MEIOB: variants seen among roughly 807,000 people sequenced by gnomAD.
MEIOB encodes the protein meiosis-specific with OB domain-containing protein.
A neutral mutation model predicts 53.1 loss-of-function variants in MEIOB; 50 were observed. The observed-to-expected ratio is 0.94, with a 90% confidence interval of 0.75 to 1.19. The LOEUF is 1.19. MEIOB is among the 50% of genes most tolerant of loss of function. The pLI is 0.00. For missense variants in MEIOB, 551 were observed against 550.8 expected, an observed-to-expected ratio of 1.00 and a Z score of 0.00; for synonymous variants, 192 against 182.5, an observed-to-expected ratio of 1.05 and a Z score of -0.42.
At chr16:1,837,937 A>G in intron 12 of MEIOB, 67 bp from the exon 13 acceptor site, 1 of 1,454,772 alleles carries the variant, frequency 6.9e-7, no homozygotes, top group South Asian at 1.4e-5. Context: ...TTTTGACAAC[A>G]GTGTGAAACA....
chr16:1,844,122 CTTTTT>C (rs755682782), intron 10 of MEIOB, among the ~76,000 whole-genome samples: 1 of 129,424 alleles, frequency 7.7e-6, no homozygotes. Flanking sequence ...TATTATGTTT[CTTTTT>C]TTTTTTTTTT....
chr16:1,843,796 T>C (rs930512690), intron 10 of MEIOB, among the ~76,000 whole-genome samples: 12 of 150,534 alleles, frequency 8.0e-5, no homozygotes, highest in East Asian at 5.8e-4. Flanking sequence ...AAATAAACTT[T>C]ACAAAACTAA....
chr16:1,852,578 G>A (rs2437746), intron 9 of MEIOB, among the ~76,000 whole-genome samples: 124,699 of 150,556 alleles, frequency 0.83, 51,685 homozygotes, highest in Middle Eastern at 0.9. Flanking sequence ...TTTTTAAGAC[G>A]GGGTCTTGCT....
chr16:1,858,406 T>C (rs1424402374), intron 5 of MEIOB, among the ~76,000 whole-genome samples: 1 of 152,108 alleles, frequency 6.6e-6, no homozygotes, highest in Non-Finnish European at 1.5e-5. Context: ...CTCTCCCTCC[T>C]GCACCGAGTC....
chr16:1,841,877 G>A lies in MEIOB; in HGVS notation c.977C>T (p.Ala326Val), dbSNP rs769841478. ...KADPSYGILY[A>V]YISTLNIDDE... is the part of the protein sequence containing the mutation. ...ATCAATGTTGAGTGTGGAAATGTAG[G>A]CATAAAGGATGCCATAGGAAGGATC... is the stretch of plus-strand genomic sequence containing the variant. The change falls in exon 11 of 14, where the codon GCC (alanine) becomes GTC (valine). Residue 326 changes from alanine (A) to valine (V), a missense_variant. By Grantham distance (64) the Ala-to-Val change is moderately conservative. Coordinates refer to ENST00000325962, the MANE Select transcript of MEIOB (RefSeq NM_001163560.3). The A allele has an allele frequency of 3.7e-6, 6 of 1,606,752 alleles. No individual in the cohort carries two copies. The highest frequency in any genetic ancestry group is 1.7e-5 in the Admixed American group (1 of 59,070).
intron 1 of MEIOB, among the ~76,000 whole-genome samples, chr16:1,871,212 T>C (rs1325821020): frequency 1.1e-5 from 1 of 88,794 alleles, no homozygotes; most frequent in Admixed American, 1.2e-4. Flanking sequence ...TCTTTTACCC[T>C]ACAATTTTGT....
In MEIOB at chr16:1,841,810, G is replaced by T; in HGVS notation, c.1034+10C>A. 1 of 1,513,968 alleles carries T rather than the reference G, an allele frequency of 6.6e-7. No homozygotes were observed. Among genetic ancestry groups the T allele is most frequent in the South Asian group, 1.4e-5 (1 of 73,034 alleles). 93.8% of individuals were successfully genotyped at this position (1,513,968 alleles called of 1,614,324 possible). On this transcript the variant is annotated intron_variant, in intron 11 of 13. Transcript: ENST00000325962. Reference sequence around the variant, plus strand: ...AAAATGAATTTGCTAAAAGTGACACGGATCCTTACCATCTATTTCGAACTA... The same window carrying T: ...AAAATGAATTTGCTAAAAGTGACACTGATCCTTACCATCTATTTCGAACTA...
At chr16:1,856,505 G>C (rs1596978176) in intron 6 of MEIOB, among the ~76,000 whole-genome samples, 2 of 152,088 alleles carry the variant, frequency 1.3e-5, no homozygotes, top group Admixed American at 6.6e-5. Flanking sequence ...ATTTTTAGTA[G>C]AGACGGGGTT....
At chr16:1,846,951 T>A (rs1899040916) in intron 9 of MEIOB, among the ~76,000 whole-genome samples, 2 of 149,554 alleles carry the variant, frequency 1.3e-5, no homozygotes, top group South Asian at 4.3e-4. Context: ...GGTCAGGAGA[T>A]CAAGACCATC....
chr16:1,860,045 G>C (rs391901), intron 5 of MEIOB, among the ~76,000 whole-genome samples: 9 of 152,086 alleles, frequency 5.9e-5, no homozygotes, highest in African/African-American at 1.9e-4. Flanking sequence ...GCTCTGCTTC[G>C]AAGGAATCTG....
chr16:1,868,812 A>G (rs1899659562), intron 1 of MEIOB, among the ~76,000 whole-genome samples: 1 of 152,058 alleles, frequency 6.6e-6, no homozygotes, highest in Non-Finnish European at 1.5e-5. Context: ...CTGAGATGGC[A>G]CCACTGCACT....
At chr16:1,853,522 T>C (rs1899223369) in intron 7 of MEIOB, among the ~76,000 whole-genome samples, 1 of 152,226 alleles carries the variant, frequency 6.6e-6, no homozygotes, top group African/African-American at 2.4e-5. Context: ...AATTTATTTT[T>C]CCAACACTTA....
rs766989673 is a variant in MEIOB, at chr16:1,839,447, A to T, written c.1035-9T>A. ...TATAACCACAGCTGGAACTGAAAAGAAACAAAGACAATGATAAAATGTGAT... is the reference window on the plus strand; with the variant it reads ...TATAACCACAGCTGGAACTGAAAAGTAACAAAGACAATGATAAAATGTGAT... On this transcript the variant is annotated splice_polypyrimidine_tract_variant and intron_variant, in intron 11 of 13. Transcript: ENST00000325962. 2.3e-5 allele frequency: 37 copies of T among 1,598,532 alleles called. No homozygotes were observed. The highest frequency in any genetic ancestry group is 5.3e-5 in the Admixed American group (3 of 56,342).
At chr16:1,838,210 G>C in intron 12 of MEIOB, 2 of 438,086 alleles carry the variant, frequency 4.6e-6, no homozygotes, top group Non-Finnish European at 8.1e-6. Flanking sequence ...ATGTTGCCCA[G>C]GGTGATCTTG....
intron 10 of MEIOB, among the ~76,000 whole-genome samples, chr16:1,842,442 C>T (rs1321902092): frequency 7.5e-6 from 1 of 133,086 alleles, no homozygotes; most frequent in Non-Finnish European, 1.6e-5. Context: ...TGGAGAAACA[C>T]TGTCTCTACT....
chr16:1,860,369 T>G lies in MEIOB; in HGVS notation c.332+34A>C, dbSNP rs1402237653. 8.5e-6 allele frequency: 10 copies of G among 1,172,430 alleles called. No individual in the cohort carries two copies. In the Admixed American group the frequency reaches 1.6e-4, roughly 19 times the overall value. The allele number at this position is 1,172,430 out of a possible 1,614,324, so 72.6% of individuals were successfully genotyped here. ...ATACAACATTATTAGTAATGATCAT[T>G]CTCGCACAATCTCTGTGCTAGACAG... On this transcript the variant is annotated intron_variant, in intron 5 of 13. Coordinates refer to ENST00000325962, the MANE Select transcript of MEIOB (RefSeq NM_001163560.3).
Position 1,839,277 on chromosome 16 carries a change from G to A in MEIOB, c.1196C>T (p.Ala399Val). 1 of 1,611,704 alleles carries A rather than the reference G, an allele frequency of 6.2e-7. No homozygotes were observed. Among genetic ancestry groups the A allele is most frequent in the Non-Finnish European group, 8.5e-7 (1 of 1,179,036 alleles). Residue 399 changes from alanine (A) to valine (V), a missense_variant, in exon 12 of 14, where the codon GCT (alanine) becomes GTT (valine). Transcript: ENST00000325962. ...TACCGTGCAGCCCAAAGTCTCCTCAGCAACACTTCCTGTGAGACTACAGGA... is the reference window on the plus strand; with the variant it reads ...TACCGTGCAGCCCAAAGTCTCCTCAACAACACTTCCTGTGAGACTACAGGA... ...LHSCSLTGSV[A>V]EETLGCTVHE...
chr16:1,842,391 G>C (rs1308422517), intron 10 of MEIOB, among the ~76,000 whole-genome samples: 1 of 149,532 alleles, frequency 6.7e-6, no homozygotes, highest in African/African-American at 2.5e-5. Flanking sequence ...GAGGTGGGCA[G>C]ATCACCTGAG....
intron 13 of MEIOB, among the ~76,000 whole-genome samples, chr16:1,836,049 G>A (rs947219858): frequency 1.3e-5 from 2 of 151,944 alleles, no homozygotes; most frequent in Non-Finnish European, 2.9e-5. Context: ...TAGCAGAGAT[G>A]GGGTTTCACC....
Sources: gnomAD v4.1 joint callset for allele counts (sites outside exome capture counted in the v4.1 genomes callset) on GRCh38, gnomAD v4.1.1 for gene constraint, MANE v1.5 for transcripts, NCBI Gene and HGNC (gene_info 2026-07-23, HGNC 2026-07-21) for gene names.